Variants in GRIA2 observed in about 807,000 individuals in gnomAD.
The protein encoded by GRIA2 is glutamate ionotropic receptor AMPA type subunit 2.
GRIA2 carries 14 observed loss-of-function variants against 97.3 expected under a neutral mutation model. The ratio of observed to expected loss-of-function variants is 0.14; its 90% CI spans 0.10 to 0.23. GRIA2 has a LOEUF of 0.23. GRIA2 is among the 10% of genes least tolerant of loss of function. The pLI is 1.00. For missense variants in GRIA2, 558 were observed against 1,069.8 expected, an observed-to-expected ratio of 0.52 and a Z score of 6.67; for synonymous variants, 412 against 387.8, an observed-to-expected ratio of 1.06 and a Z score of -0.73.
intron 12 of GRIA2, among the ~76,000 whole-genome samples, chr4:157,346,979 T>A (rs1463310444): frequency 1.3e-5 from 2 of 152,188 alleles, no homozygotes; most frequent in Non-Finnish European, 2.9e-5. Flanking sequence ...TACGAATACA[T>A]TTAGCCTAAG....
chr4:157,226,889 T>C, intron 2 of GRIA2, among the ~76,000 whole-genome samples: 1 of 152,124 alleles, frequency 6.6e-6, no homozygotes, highest in East Asian at 1.9e-4. Context: ...GTGTTGTAAA[T>C]ATTCAGTTAT....
At chr4:157,340,819 T>C (rs1735514895) in intron 11 of GRIA2, among the ~76,000 whole-genome samples, 1 of 152,026 alleles carries the variant, frequency 6.6e-6, no homozygotes, top group African/African-American at 2.4e-5. Flanking sequence ...GAGGATTTCT[T>C]TGGTGTTTAA....
chr4:157,336,237 C>A, intron 10 of GRIA2, 140 bp from the exon 11 acceptor site: 1 of 707,624 alleles, frequency 1.4e-6, no homozygotes, highest in Non-Finnish European at 2.4e-6. Flanking sequence ...TTTGTTTATC[C>A]TTTACTGGGA....
At chr4:157,252,079 T>TCAAAA (rs1290630081) in intron 2 of GRIA2, among the ~76,000 whole-genome samples, 1 of 152,074 alleles carries the variant, frequency 6.6e-6, no homozygotes, top group African/African-American at 2.4e-5. Flanking sequence ...AAAAAATCCC[T>TCAAAA]CAAAACAAAA....
At chr4:157,246,136 T>G (rs182777338) in intron 2 of GRIA2, among the ~76,000 whole-genome samples, 4 of 152,244 alleles carry the variant, frequency 2.6e-5, no homozygotes, top group Non-Finnish European at 4.4e-5. Context: ...ACGTTTAGTT[T>G]TAAAATAACT....
intron 6 of GRIA2, 31 bp from the exon 7 acceptor site, chr4:157,332,788 G>A (rs371644615): frequency 4.5e-5 from 70 of 1,571,786 alleles, no homozygotes; most frequent in Middle Eastern, 1.7e-4. Flanking sequence ...ATTTTCTCCC[G>A]TTCTTATGAA....
chr4:157,239,369 G>C (rs977776516), intron 2 of GRIA2, among the ~76,000 whole-genome samples: 11 of 151,818 alleles, frequency 7.2e-5, no homozygotes, highest in Admixed American at 7.2e-4. Flanking sequence ...TGCAATTTTT[G>C]TTTATTTTTG....
chr4:157,342,757 A>G (rs1735603426), intron 12 of GRIA2, among the ~76,000 whole-genome samples: 1 of 152,054 alleles, frequency 6.6e-6, no homozygotes, highest in Non-Finnish European at 1.5e-5. Context: ...ATCTATGAGA[A>G]TGATGCAGAT....
chr4:157,352,211 G>T (rs1736039130), intron 12 of GRIA2, among the ~76,000 whole-genome samples: 1 of 152,070 alleles, frequency 6.6e-6, no homozygotes, highest in Non-Finnish European at 1.5e-5. Context: ...CTATGTTGAG[G>T]ATTTTTATGC....
chr4:157,264,408 G>A (rs1203061515), intron 2 of GRIA2, among the ~76,000 whole-genome samples: 1 of 152,008 alleles, frequency 6.6e-6, no homozygotes, highest in Non-Finnish European at 1.5e-5. Flanking sequence ...TCCTGCAATG[G>A]AAGGCCTGGT....
intron 2 of GRIA2, among the ~76,000 whole-genome samples, chr4:157,289,481 G>T (rs1386194700): frequency 6.6e-6 from 1 of 151,746 alleles, no homozygotes; most frequent in African/African-American, 2.4e-5. Context: ...ATTTTATTTT[G>T]TAGAGGTTGT....
intron 2 of GRIA2, among the ~76,000 whole-genome samples, chr4:157,268,429 T>A (rs543922118): frequency 6.6e-6 from 1 of 152,160 alleles, no homozygotes; most frequent in South Asian, 2.1e-4. Context: ...AATTTTGTCG[T>A]CTCAGTTTTC....
At chr4:157,333,034 T>C in intron 7 of GRIA2, 48 bp downstream of exon 7, 3 of 1,413,482 alleles carry the variant, frequency 2.1e-6, no homozygotes, top group Non-Finnish European at 2.9e-6. Flanking sequence ...TGGCCATTAA[T>C]GTTTTCTTCC....
intron 2 of GRIA2, among the ~76,000 whole-genome samples, chr4:157,227,722 T>A (rs545042880): frequency 9.2e-5 from 14 of 152,226 alleles, no homozygotes; most frequent in Non-Finnish European, 2.1e-4. Context: ...CAGATTTCAT[T>A]AAGTGTTTGC....
At chr4:157,220,717 CGA>C (rs1729450578), upstream of GRIA2, 1 of 361,694 alleles carries the variant, frequency 2.8e-6, no homozygotes, top group Admixed American at 4.2e-5. Flanking sequence ...GAAGAGAGCG[CGA>C]GAGAGGGTGA....
intron 2 of GRIA2, among the ~76,000 whole-genome samples, chr4:157,290,255 A>T (rs993203019): frequency 6.6e-6 from 1 of 151,878 alleles, no homozygotes; most frequent in African/African-American, 2.4e-5. Flanking sequence ...GGGAAATATT[A>T]TTTTATGAAA....
chr4:157,325,629 C>G (rs1458605105), intron 6 of GRIA2, among the ~76,000 whole-genome samples: 1 of 152,214 alleles, frequency 6.6e-6, no homozygotes, highest in Non-Finnish European at 1.5e-5. Context: ...ACTTCCTCCT[C>G]AGCCTCTGGA....
intron 2 of GRIA2, among the ~76,000 whole-genome samples, chr4:157,261,205 G>T (rs1177475165): frequency 6.6e-6 from 1 of 152,054 alleles, no homozygotes; most frequent in African/African-American, 2.4e-5. Context: ...AATAGAGCTT[G>T]TGCAGGGGAA....
At chr4:157,276,701 G>A (rs1732332197) in intron 2 of GRIA2, among the ~76,000 whole-genome samples, 1 of 151,702 alleles carries the variant, frequency 6.6e-6, no homozygotes, top group Admixed American at 6.6e-5. Flanking sequence ...AATGAAAGAG[G>A]CACTACCACT....
Sources: gnomAD v4.1 joint callset for allele counts (sites outside exome capture counted in the v4.1 genomes callset) on GRCh38, gnomAD v4.1.1 for gene constraint, MANE v1.5 for transcripts, NCBI Gene and HGNC (gene_info 2026-07-23, HGNC 2026-07-21) for gene names.